LRBA: variants seen among roughly 807,000 people sequenced by gnomAD.
LRBA encodes the protein lipopolysaccharide-responsive and beige-like anchor protein.
In LRBA, 176 loss-of-function variants were observed where a neutral mutation model predicts 330.0. That is an observed-to-expected ratio of 0.53 (90% CI 0.47 to 0.60). The LOEUF is 0.60. Ranked by LOEUF, LRBA falls within the 20% of genes least tolerant of loss-of-function variation. The pLI is 0.00. For missense variants in LRBA, 3,259 were observed against 3,444.8 expected (o/e 0.95, Z 1.35); for synonymous variants, 1,230 against 1,193.0 (o/e 1.03, Z -0.64).
intron 40 of LRBA, among the ~76,000 whole-genome samples, chr4:150,521,782 T>G (rs1459781546): frequency 6.6e-6 from 1 of 152,200 alleles, no homozygotes; most frequent in African/African-American, 2.4e-5. Flanking sequence ...TCACAGTAAA[T>G]ATTGCACTTG....
At chr4:150,814,590 T>C (rs1485788652) in intron 31 of LRBA, among the ~76,000 whole-genome samples, 2 of 150,744 alleles carry the variant, frequency 1.3e-5, no homozygotes, top group Admixed American at 6.6e-5. Context: ...AAGACCATCA[T>C]CACAAGGAAG....
At chr4:150,348,313 G>T (rs927904605) in intron 48 of LRBA, among the ~76,000 whole-genome samples, 1 of 152,154 alleles carries the variant, frequency 6.6e-6, no homozygotes, top group Non-Finnish European at 1.5e-5. Context: ...TTTTAATCAT[G>T]AAAACATTGC....
intron 47 of LRBA, among the ~76,000 whole-genome samples, chr4:150,375,557 A>T (rs750824104): frequency 6.6e-6 from 1 of 151,698 alleles, no homozygotes; most frequent in Non-Finnish European, 1.5e-5. Context: ...TCCCGAGTTC[A>T]AGTGGATTCT....
At chr4:150,658,390 T>G (rs1780432841) in intron 37 of LRBA, among the ~76,000 whole-genome samples, 1 of 150,782 alleles carries the variant, frequency 6.6e-6, no homozygotes, top group Non-Finnish European at 1.5e-5. Flanking sequence ...AAATCTTTCC[T>G]TATTAGATAA....
intron 37 of LRBA, among the ~76,000 whole-genome samples, chr4:150,617,585 T>C (rs1046332086): frequency 2.6e-5 from 4 of 151,902 alleles, no homozygotes; most frequent in African/African-American, 9.7e-5. Context: ...GAGGTTGCAG[T>C]GAGCAGAGAT....
intron 40 of LRBA, among the ~76,000 whole-genome samples, chr4:150,575,031 A>G (rs990174319): frequency 6.6e-6 from 1 of 152,014 alleles, no homozygotes; most frequent in Non-Finnish European, 1.5e-5. Context: ...TATATACCAA[A>G]TCAGTCAGAA....
chr4:150,521,266 T>C (rs1251091370), intron 40 of LRBA, among the ~76,000 whole-genome samples: 1 of 152,126 alleles, frequency 6.6e-6, no homozygotes, highest in Non-Finnish European at 1.5e-5. Context: ...TTTGCTCTTC[T>C]TCTGACTTCT....
intron 22 of LRBA, among the ~76,000 whole-genome samples, chr4:150,856,598 A>G (rs1381784101): frequency 2.0e-5 from 3 of 152,234 alleles, no homozygotes; most frequent in Non-Finnish European, 4.4e-5. Context: ...AAAATTCTAA[A>G]GTCATTTGGT....
At chr4:150,323,416 C>G (rs1241283292) in intron 49 of LRBA, among the ~76,000 whole-genome samples, 1 of 152,166 alleles carries the variant, frequency 6.6e-6, no homozygotes, top group East Asian at 1.9e-4. Context: ...ACAGCTCATA[C>G]TATAAATATA....
chr4:150,825,639 G>C (rs573970933), intron 30 of LRBA, among the ~76,000 whole-genome samples: 1 of 152,126 alleles, frequency 6.6e-6, no homozygotes, highest in Non-Finnish European at 1.5e-5. Flanking sequence ...AAAGTACTGG[G>C]AAGTTTGTCT....
chr4:150,924,056 T>C (rs954446505), intron 4 of LRBA, among the ~76,000 whole-genome samples: 2 of 152,062 alleles, frequency 1.3e-5, no homozygotes, highest in Admixed American at 1.3e-4. Context: ...ACTCTGCAGT[T>C]AAAAATAAAA....
rs1354888414 is a variant in LRBA at position 150,782,598 on chromosome 4, C to T, written c.5580+15483G>A. On this transcript the variant is annotated intron_variant, in intron 34 of 56. Transcript: ENST00000651943. ...CTCCATTTCTCTGTCTGTAGCCTCC[C>T]ACTAACGATCTCTAATAATGATACA... 2.6e-5 allele frequency among the ~76,000 whole-genome samples: 4 copies of T among 152,312 alleles called. No homozygotes were observed. The East Asian group carries it at 7.7e-4, about 29-fold the overall frequency.
chr4:150,292,148 G>A (rs557712825), intron 53 of LRBA, among the ~76,000 whole-genome samples: 44 of 152,162 alleles, frequency 2.9e-4, no homozygotes, highest in African/African-American at 9.2e-4. Context: ...AACAGACTCC[G>A]AACCACTTAA....
intron 2 of LRBA, among the ~76,000 whole-genome samples, chr4:150,969,358 T>G (rs1336001925): frequency 6.6e-6 from 1 of 152,208 alleles, no homozygotes; most frequent in Non-Finnish European, 1.5e-5. Flanking sequence ...GTAGATGCCA[T>G]GAGGAACATT....
chr4:150,373,783 C>A (rs1004651736), intron 47 of LRBA, among the ~76,000 whole-genome samples: 1 of 151,976 alleles, frequency 6.6e-6, no homozygotes, highest in African/African-American at 2.4e-5. Context: ...TTTTCTTCTC[C>A]ATTGCATAAT....
intron 31 of LRBA, among the ~76,000 whole-genome samples, chr4:150,809,532 G>C (rs1293479926): frequency 6.6e-6 from 1 of 152,162 alleles, no homozygotes; most frequent in East Asian, 1.9e-4. Flanking sequence ...TCCTGGGTAA[G>C]AAAGTGAAAC....
intron 40 of LRBA, among the ~76,000 whole-genome samples, chr4:150,525,857 A>G (rs1763413776): frequency 6.6e-6 from 1 of 152,152 alleles, no homozygotes; most frequent in Non-Finnish European, 1.5e-5. Flanking sequence ...ATATACAAAT[A>G]AGCTCTATTT....
At chr4:150,790,740 T>C (rs1412784218) in intron 34 of LRBA, among the ~76,000 whole-genome samples, 1 of 152,238 alleles carries the variant, frequency 6.6e-6, no homozygotes, top group Non-Finnish European at 1.5e-5. Flanking sequence ...CACAAGTCTA[T>C]ACTTCCTTCT....
At chr4:150,567,226 C>T (rs1769251519) in intron 40 of LRBA, among the ~76,000 whole-genome samples, 1 of 151,944 alleles carries the variant, frequency 6.6e-6, no homozygotes, top group Admixed American at 6.6e-5. Flanking sequence ...AAAACGTGAG[C>T]CAGAGATTTC....
Sources: allele counts gnomAD v4.1 joint callset (sites outside exome capture counted in the v4.1 genomes callset), GRCh38; gene constraint gnomAD v4.1.1; transcripts MANE v1.5; gene names NCBI Gene and HGNC (gene_info 2026-07-23, HGNC 2026-07-21).